MTMR2: variants seen among roughly 807,000 people sequenced by gnomAD.
MTMR2 encodes myotubularin related protein 2.
In MTMR2, 55 loss-of-function variants were observed where a neutral mutation model predicts 86.9. The observed-to-expected ratio is 0.63, with a 90% CI of 0.51 to 0.79. The LOEUF (loss-of-function observed/expected upper bound fraction) is 0.79. MTMR2 is among the 30% of genes least tolerant of loss of function. MTMR2 has a pLI of 0.00. For missense variants in MTMR2, 659 were observed against 772.3 expected, an observed-to-expected ratio of 0.85 and a Z score of 1.74; for synonymous variants, 241 against 266.8, an observed-to-expected ratio of 0.90 and a Z score of 0.94.
In MTMR2 at chr11:95,895,617, G is replaced by C. The variant is rs192386445; in HGVS notation, c.81-7356C>G. On this transcript the variant is annotated intron_variant, in intron 1 of 14. Transcript: ENST00000346299. ...ACAGACAATAGCAGGTGTTGGCAAA[G>C]ATGTGGAATAATCAGAACACTCAGG... Among the ~76,000 whole-genome samples the C allele has an allele frequency of 2.0e-3, 297 of 152,206 alleles. 6 individuals are homozygous for C. Among genetic ancestry groups the C allele is most frequent in the Admixed American group, 0.018 (269 of 15,278 alleles).
chr11:95,863,382 T>C (rs1864492358), intron 3 of MTMR2, among the ~76,000 whole-genome samples: 1 of 152,194 alleles, frequency 6.6e-6, no homozygotes, highest in Non-Finnish European at 1.5e-5. Context: ...GAATTTGAAA[T>C]GAGACTGATC....
At chr11:95,892,799 G>A (rs1163618407) in intron 1 of MTMR2, among the ~76,000 whole-genome samples, 8 of 151,992 alleles carry the variant, frequency 5.3e-5, no homozygotes, top group Admixed American at 5.2e-4. Context: ...GAATGTTTTA[G>A]TCCACAGTGA....
rs1241912945 is a variant in MTMR2, at chr11:95,924,037, G to A, written c.-83C>T. 4.0e-6 allele frequency: 6 copies of A among 1,517,534 alleles called. No homozygotes were observed. Among genetic ancestry groups the A allele is most frequent in the South Asian group, 3.6e-5 (3 of 83,366 alleles). 94.0% of individuals were successfully genotyped at this position (1,517,534 alleles called of 1,614,324 possible). ...GAGAAGCGGAGGGCGGAGTGCTACG[G>A]ACCGGGGCCGCAGTCAGGCCAGCGC... On this transcript the variant is annotated 5_prime_UTR_variant, in exon 1 of 15. Coordinates refer to ENST00000346299, the MANE Select transcript of MTMR2 (RefSeq NM_016156.6).
chr11:95,851,405 C>T (rs192338554), intron 7 of MTMR2, among the ~76,000 whole-genome samples: 32 of 151,934 alleles, frequency 2.1e-4, no homozygotes, highest in African/African-American at 7.2e-4. Flanking sequence ...CTCTTGTTGC[C>T]CAGGCTGGAG....
chr11:95,902,072 T>A (rs1866094269), intron 1 of MTMR2, among the ~76,000 whole-genome samples: 1 of 152,126 alleles, frequency 6.6e-6, no homozygotes, highest in Non-Finnish European at 1.5e-5. Context: ...ATCTTACTGT[T>A]CCTTGACTCC....
chr11:95,881,365 A>G (rs1865315409), intron 2 of MTMR2, among the ~76,000 whole-genome samples: 2 of 152,124 alleles, frequency 1.3e-5, no homozygotes, highest in African/African-American at 4.8e-5. Context: ...TATAAATTTT[A>G]GAGTCAGCTA....
chr11:95,868,387 T>G (rs976839260), intron 2 of MTMR2, among the ~76,000 whole-genome samples: 2 of 146,630 alleles, frequency 1.4e-5, no homozygotes, highest in Non-Finnish European at 3.0e-5. Context: ...GAGAAATGAA[T>G]GAGAATGACT....
At position 95,897,857 on chromosome 11, in the gene MTMR2, C is replaced by T. The variant is rs143041894; in HGVS notation, c.81-9596G>A. Among the ~76,000 whole-genome samples, 906 of 152,168 alleles carry T rather than the reference C, an allele frequency of 6.0e-3. 13 individuals carry two copies. The highest frequency in any genetic ancestry group is 6.5e-3 in the Non-Finnish European group (444 of 67,984). ...GACTCCAGGACATCACCTTTGCCAG[C>T]GTTCAACAAGGTTACGTTTACAAGT... On this transcript the variant is annotated intron_variant, in intron 1 of 14. Coordinates refer to ENST00000346299, the MANE Select transcript of MTMR2 (RefSeq NM_016156.6).
At chr11:95,896,154 C>T (rs961848988) in intron 1 of MTMR2, among the ~76,000 whole-genome samples, 2 of 152,098 alleles carry the variant, frequency 1.3e-5, no homozygotes, top group Non-Finnish European at 2.9e-5. Context: ...CTCCTCTCAA[C>T]TGAAATATCA....
intron 5 of MTMR2, 60 bp downstream of exon 5, chr11:95,861,929 AGGT>A: frequency 5.2e-6 from 6 of 1,155,286 alleles, no homozygotes; most frequent in Non-Finnish European, 7.6e-6. Flanking sequence ...TTCAAAACAG[AGGT>A]TCTATTTAAT....
chr11:95,865,042 C>T (rs1268449852), intron 3 of MTMR2, among the ~76,000 whole-genome samples: 1 of 152,114 alleles, frequency 6.6e-6, no homozygotes, highest in Non-Finnish European at 1.5e-5. Context: ...CTTGTAAGCT[C>T]ATTTTCAGTT....
chr11:95,867,493 T>C (rs1864658508), intron 2 of MTMR2, among the ~76,000 whole-genome samples: 1 of 152,146 alleles, frequency 6.6e-6, no homozygotes, highest in Admixed American at 6.5e-5. Context: ...GCAGCACACT[T>C]TGAGAACCAC....
chr11:95,907,984 G>GT (rs1425454870), intron 1 of MTMR2: 2 of 314,280 alleles, frequency 6.4e-6, no homozygotes, highest in Non-Finnish European at 1.3e-5. Flanking sequence ...ACATAACACT[G>GT]TAAGTCCTAG....
intron 1 of MTMR2, among the ~76,000 whole-genome samples, chr11:95,916,145 G>A (rs542592944): frequency 6.6e-6 from 1 of 152,208 alleles, no homozygotes; most frequent in South Asian, 2.1e-4. Context: ...AAATATTGCA[G>A]ACTTTAGGTG....
At chr11:95,894,159 A>G (rs1323262047) in intron 1 of MTMR2, among the ~76,000 whole-genome samples, 1 of 152,058 alleles carries the variant, frequency 6.6e-6, no homozygotes, top group African/African-American at 2.4e-5. Flanking sequence ...ATCTGCCTCT[A>G]ATGTCCTTTA....
At position 95,849,793 on chromosome 11, in the gene MTMR2, T is replaced by C; in HGVS notation, c.874A>G (p.Ser292Gly). ...TRCSQPMVGV[S>G]GKRSKEDEKY... ...TCATCTTCTTTGCTTCGCTTTCCAC[T>C]CACTCCAACCATGGGCTGGCTACAC... Residue 292 changes from serine (S) to glycine (G), a missense_variant, in exon 9 of 15, where the codon AGT (serine) becomes GGT (glycine). By Grantham distance (56) the Ser-to-Gly change is moderately conservative. Around this residue, in one of 3 missense-constraint regions of MTMR2, gnomAD observed 387 missense variants for 526.3 expected, o/e 0.74. Transcript: ENST00000346299. 1 of 1,614,176 alleles carries C rather than the reference T, an allele frequency of 6.2e-7. No individual in the cohort carries two copies. Among genetic ancestry groups the C allele is most frequent in the South Asian group, 1.1e-5 (1 of 91,086 alleles).
At position 95,917,546 on chromosome 11, in the gene MTMR2, T is replaced by C. The variant is rs148695064; in HGVS notation, c.80+6329A>G. Among the ~76,000 whole-genome samples the C allele has an allele frequency of 3.6e-3, 541 of 152,192 alleles. 1 individual carries two copies. Among genetic ancestry groups the C allele is most frequent in the Non-Finnish European group, 5.6e-3 (379 of 68,002 alleles). Reference sequence around the variant, plus strand: ...AACGCAGCTGAAAATCCGCATATAATTTTGACTCCCCAAACTACTCCCCAG... The same window carrying C: ...AACGCAGCTGAAAATCCGCATATAACTTTGACTCCCCAAACTACTCCCCAG... On this transcript the variant is annotated intron_variant, in intron 1 of 14. Transcript: ENST00000346299.
At chr11:95,920,693 GA>G (rs879328811) in intron 1 of MTMR2, among the ~76,000 whole-genome samples, 6 of 137,438 alleles carry the variant, frequency 4.4e-5, no homozygotes, top group Non-Finnish European at 6.9e-5. Flanking sequence ...GTGAACTACA[GA>G]TTGCACAACA....
At position 95,841,674 on chromosome 11, in the gene MTMR2, T is replaced by G; in HGVS notation, c.1422A>C (p.Ala474=). The G allele has an allele frequency of 6.2e-7, 1 of 1,613,890 alleles. No individual in the cohort carries two copies. The highest frequency in any genetic ancestry group is 1.1e-5 in the South Asian group (1 of 91,088). Residue 474 remains alanine (A), a synonymous_variant, in exon 12 of 15, where the codon GCA becomes GCC. Transcript: ENST00000346299. ...VGHGDKNHAD[A]DRSPVFLQFI... ...ATTGAAGAAAAACAGGCGATCTGTC[T>G]GCATCTGCATGGTTCTTATCTCCAT...
Sources: gnomAD v4.1 joint callset for allele counts (sites outside exome capture counted in the v4.1 genomes callset) on GRCh38, gnomAD v4.1.1 for gene constraint, gnomAD v4.1.1 regional missense constraint, MANE v1.5 for transcripts, NCBI Gene and HGNC (gene_info 2026-07-23, HGNC 2026-07-21) for gene names.